CACNA2D3: variants seen among roughly 807,000 people sequenced by gnomAD.
CACNA2D3 encodes voltage-dependent calcium channel subunit alpha-2/delta-3.
CACNA2D3 carries 60 observed loss-of-function variants against 160.6 expected under a neutral mutation model. The ratio of observed to expected loss-of-function variants is 0.37; its 90% CI spans 0.30 to 0.46. CACNA2D3 has a LOEUF of 0.46. Ranked by LOEUF, CACNA2D3 falls within the 20% of genes least tolerant of loss-of-function variation. The pLI is 1.00. For missense variants in CACNA2D3, 1,205 were observed against 1,365.0 expected (o/e 0.88, Z 1.85); for synonymous variants, 558 against 492.9 (o/e 1.13, Z -1.75).
At chr3:54,897,139 A>G (rs1182614591) in intron 26 of CACNA2D3, among the ~76,000 whole-genome samples, 1 of 152,234 alleles carries the variant, frequency 6.6e-6, no homozygotes, top group Non-Finnish European at 1.5e-5. Flanking sequence ...ATTTTAATAG[A>G]AACTTGTCAG....
chr3:54,943,899 T>C (rs902678119), intron 27 of CACNA2D3, among the ~76,000 whole-genome samples: 1 of 152,220 alleles, frequency 6.6e-6, no homozygotes, highest in Non-Finnish European at 1.5e-5. Flanking sequence ...ATTTCTCATT[T>C]AGGTGATGAA....
intron 13 of CACNA2D3, among the ~76,000 whole-genome samples, chr3:54,804,697 G>A (rs979300172): frequency 3.5e-4 from 54 of 152,132 alleles, no homozygotes; most frequent in Admixed American, 1.7e-3. Context: ...TGCACCAAGC[G>A]GACCTAATAG....
intron 4 of CACNA2D3, among the ~76,000 whole-genome samples, chr3:54,473,432 A>T (rs1226336620): frequency 1.3e-5 from 2 of 152,224 alleles, no homozygotes; most frequent in African/African-American, 4.8e-5. Context: ...TAAAAACCCT[A>T]GAAGAAAACC....
At chr3:54,740,417 G>A (rs534677153) in intron 11 of CACNA2D3, among the ~76,000 whole-genome samples, 8 of 152,118 alleles carry the variant, frequency 5.3e-5, no homozygotes, top group African/African-American at 1.2e-4. Context: ...AAGTCCTACC[G>A]GCAGCTTCCT....
chr3:54,504,009 G>A (rs941648411), intron 5 of CACNA2D3, among the ~76,000 whole-genome samples: 4 of 152,176 alleles, frequency 2.6e-5, no homozygotes, highest in African/African-American at 9.7e-5. Context: ...CAGCCAAATG[G>A]CTGTGTTCCA....
At chr3:54,585,274 T>G (rs1306173957) in intron 9 of CACNA2D3, among the ~76,000 whole-genome samples, 1 of 152,208 alleles carries the variant, frequency 6.6e-6, no homozygotes, top group Non-Finnish European at 1.5e-5. Flanking sequence ...AGAAGGTTTC[T>G]ATACTTCAGT....
intron 9 of CACNA2D3, among the ~76,000 whole-genome samples, chr3:54,591,934 A>G (rs1226383653): frequency 6.6e-6 from 1 of 152,266 alleles, no homozygotes; most frequent in Admixed American, 6.5e-5. Context: ...ATTCATGTGC[A>G]TGCTGACAAG....
At chr3:54,185,941 C>T (rs537860630) in intron 2 of CACNA2D3, among the ~76,000 whole-genome samples, 1 of 152,172 alleles carries the variant, frequency 6.6e-6, no homozygotes, top group Non-Finnish European at 1.5e-5. Context: ...AAGCATCTCT[C>T]CCTCAGAGGT....
chr3:55,059,109 T>G (rs1017745898), intron 35 of CACNA2D3, among the ~76,000 whole-genome samples: 4 of 152,222 alleles, frequency 2.6e-5, no homozygotes, highest in African/African-American at 9.6e-5. Context: ...AGGGAGATGT[T>G]TAACTTCCCA....
chr3:54,403,742 C>T (rs1053855936), intron 4 of CACNA2D3, among the ~76,000 whole-genome samples: 3 of 152,050 alleles, frequency 2.0e-5, no homozygotes, highest in African/African-American at 7.2e-5. Context: ...AATTAACAAA[C>T]CCTTAGCTAG....
intron 17 of CACNA2D3, among the ~76,000 whole-genome samples, chr3:54,857,414 C>T (rs902229600): frequency 6.6e-6 from 1 of 152,166 alleles, no homozygotes; most frequent in Admixed American, 6.5e-5. Flanking sequence ...GTCATCTCTT[C>T]TCAGGCATGC....
chr3:54,718,966 G>T (rs1443129443), intron 11 of CACNA2D3, among the ~76,000 whole-genome samples: 1 of 151,748 alleles, frequency 6.6e-6, no homozygotes. Flanking sequence ...TCTAATATTT[G>T]AAAGCCATCA....
intron 35 of CACNA2D3, among the ~76,000 whole-genome samples, chr3:55,038,304 A>G (rs1052135341): frequency 2.1e-4 from 32 of 152,172 alleles, no homozygotes; most frequent in African/African-American, 7.5e-4. Flanking sequence ...TTCATCCTAC[A>G]ATTTTCACGC....
chr3:54,235,917 A>G (rs1701865049), intron 2 of CACNA2D3, among the ~76,000 whole-genome samples: 1 of 152,190 alleles, frequency 6.6e-6, no homozygotes, highest in African/African-American at 2.4e-5. Context: ...GTGACTTGAC[A>G]GTGGAGAAAC....
At chr3:54,769,745 AGCTGGGT>A (rs1418201056) in intron 13 of CACNA2D3, among the ~76,000 whole-genome samples, 8 of 152,204 alleles carry the variant, frequency 5.3e-5, no homozygotes. Flanking sequence ...TCTTTCTTTG[AGCTGGGT>A]CTCACATAGT....
chr3:54,266,278 G>A (rs567942827), intron 2 of CACNA2D3, among the ~76,000 whole-genome samples: 1 of 152,310 alleles, frequency 6.6e-6, no homozygotes, highest in African/African-American at 2.4e-5. Flanking sequence ...GTTGGGTAAT[G>A]TGCTACCTGC....
chr3:54,649,068 G>A (rs1178166464), intron 11 of CACNA2D3, among the ~76,000 whole-genome samples: 1 of 152,142 alleles, frequency 6.6e-6, no homozygotes, highest in East Asian at 1.9e-4. Context: ...ATAATAAATG[G>A]TGGAGGGCTG....
chr3:54,699,896 C>T (rs1423060755), intron 11 of CACNA2D3, among the ~76,000 whole-genome samples: 6 of 152,190 alleles, frequency 3.9e-5, no homozygotes, highest in African/African-American at 1.4e-4. Flanking sequence ...TATATTCTTA[C>T]TAAATGAATA....
intron 5 of CACNA2D3, among the ~76,000 whole-genome samples, chr3:54,533,146 C>T (rs1191685302): frequency 6.6e-6 from 1 of 152,132 alleles, no homozygotes; most frequent in Non-Finnish European, 1.5e-5. Flanking sequence ...TAAACCCTGT[C>T]TGCTTTCAAA....
Sources: allele counts gnomAD v4.1 joint callset (sites outside exome capture counted in the v4.1 genomes callset), GRCh38; gene constraint gnomAD v4.1.1; transcripts MANE v1.5; gene names NCBI Gene and HGNC (gene_info 2026-07-23, HGNC 2026-07-21).